RBFOX1: variants seen among roughly 807,000 people sequenced by gnomAD.
The protein encoded by RBFOX1 is RNA binding protein fox-1 homolog 1.
RBFOX1 carries 8 observed loss-of-function variants against 57.7 expected under a neutral mutation model. The ratio of observed to expected loss-of-function variants is 0.14; its 90% CI spans 0.08 to 0.25. RBFOX1 has a LOEUF of 0.25. Among genes scored for constraint, RBFOX1 ranks in the 10% least tolerant of loss-of-function variants. RBFOX1 has a pLI of 1.00. For missense variants in RBFOX1, 611 were observed against 548.5 expected (o/e 1.11, Z -1.14); for synonymous variants, 326 against 222.4 (o/e 1.47, Z -4.15).
At chr16:7,221,280 G>T (rs1341082864) in intron 4 of RBFOX1, among the ~76,000 whole-genome samples, 1 of 152,096 alleles carries the variant, frequency 6.6e-6, no homozygotes, top group Non-Finnish European at 1.5e-5. Flanking sequence ...CTCAGAAGGT[G>T]ATTTGGCTAG....
intron 2 of RBFOX1, among the ~76,000 whole-genome samples, chr16:6,504,989 C>T (rs113028088): frequency 0.055 from 8,438 of 152,136 alleles, 800 homozygotes; most frequent in African/African-American, 0.19. Flanking sequence ...AAGAGAATCG[C>T]TTGAACCCAG....
intron 3 of RBFOX1, among the ~76,000 whole-genome samples, chr16:5,770,781 G>A (rs1000476695): frequency 6.6e-6 from 1 of 152,180 alleles, no homozygotes; most frequent in African/African-American, 2.4e-5. Flanking sequence ...GCAGGATGTG[G>A]GTGGCCTAGA....
At chr16:7,210,427 T>C (rs548763375) in intron 4 of RBFOX1, among the ~76,000 whole-genome samples, 1 of 152,122 alleles carries the variant, frequency 6.6e-6, no homozygotes, top group African/African-American at 2.4e-5. Context: ...TTTTTCCAAT[T>C]GCACTACACT....
At chr16:6,211,881 G>T (rs544021410) in intron 1 of RBFOX1, among the ~76,000 whole-genome samples, 1 of 148,644 alleles carries the variant, frequency 6.7e-6, no homozygotes, top group Non-Finnish European at 1.5e-5. Context: ...ACAGAGTCTC[G>T]CTCTGTCACT....
intron 4 of RBFOX1, among the ~76,000 whole-genome samples, chr16:7,413,476 G>A (rs2098449453): frequency 6.6e-6 from 1 of 152,056 alleles, no homozygotes; most frequent in South Asian, 2.1e-4. Context: ...AAGATCCAAG[G>A]TGAGGTCAAC....
intron 11 of RBFOX1, among the ~76,000 whole-genome samples, chr16:7,650,518 G>T (rs1555716796): frequency 6.6e-6 from 1 of 152,136 alleles, no homozygotes; most frequent in Non-Finnish European, 1.5e-5. Flanking sequence ...GTAATGAAGA[G>T]GGTACAAAAT....
intron 3 of RBFOX1, among the ~76,000 whole-genome samples, chr16:6,773,309 T>C (rs1603619387): frequency 7.0e-6 from 1 of 142,516 alleles, no homozygotes; most frequent in Non-Finnish European, 1.5e-5. Context: ...TGCATTTGTG[T>C]GTTTGGGTAT....
chr16:5,643,699 A>C (rs980779619), intron 3 of RBFOX1, among the ~76,000 whole-genome samples: 4 of 152,178 alleles, frequency 2.6e-5, no homozygotes, highest in Non-Finnish European at 5.9e-5. Context: ...TTAGATGCAC[A>C]GGATCGTGCC....
chr16:7,189,413 G>A (rs1373363474), intron 4 of RBFOX1, among the ~76,000 whole-genome samples: 2 of 116,860 alleles, frequency 1.7e-5, no homozygotes, highest in African/African-American at 3.4e-5. Context: ...GCGACAGAGC[G>A]AGACTCCCTC....
intron 3 of RBFOX1, among the ~76,000 whole-genome samples, chr16:6,830,401 A>G (rs1323474693): frequency 6.6e-6 from 1 of 152,098 alleles, no homozygotes; most frequent in Non-Finnish European, 1.5e-5. Context: ...TACTAACGGG[A>G]AGTAATAATA....
rs141614606 is a variant in RBFOX1 at position 6,859,505 on chromosome 16, C to G, written c.-15-192552C>G. Among the ~76,000 whole-genome samples the G allele has an allele frequency of 1.5e-3, 221 of 151,876 alleles. 2 individuals are homozygous for G. The highest frequency in any genetic ancestry group is 6.8e-3 in the Middle Eastern group (2 of 294). On this transcript the variant is annotated intron_variant, in intron 3 of 15. Transcript: ENST00000550418. ...TTGTTCAAGTCTACTGCCCTAATGC[C>G]CATGGACCTGCAAATTTCCCAAATG...
At chr16:7,057,127 A>G (rs2052577401) in intron 4 of RBFOX1, among the ~76,000 whole-genome samples, 1 of 152,168 alleles carries the variant, frequency 6.6e-6, no homozygotes, top group African/African-American at 2.4e-5. Flanking sequence ...CCTCCTAGAA[A>G]TACCAGGCAT....
chr16:7,554,090 A>C (rs3785251), intron 5 of RBFOX1, among the ~76,000 whole-genome samples: 108,182 of 151,934 alleles, frequency 0.71, 40,684 homozygotes, highest in South Asian at 0.89. Flanking sequence ...GCCTGGGTGA[A>C]AGAGCAAGAT....
intron 1 of RBFOX1, among the ~76,000 whole-genome samples, chr16:6,261,346 G>A (rs1194381275): frequency 1.3e-5 from 2 of 152,206 alleles, no homozygotes. Flanking sequence ...TCTTGAGGAA[G>A]GTTGTTTTTT....
intron 3 of RBFOX1, among the ~76,000 whole-genome samples, chr16:6,830,448 GAA>G (rs759580123): frequency 7.2e-5 from 11 of 152,144 alleles, no homozygotes; most frequent in Non-Finnish European, 1.3e-4. Context: ...ACCGTAAGAG[GAA>G]GACCTTAGAA....
chr16:7,546,328 AAAAATAAAATAAAAT>A lies in RBFOX1; in HGVS notation c.270+27977_270+27991del, dbSNP rs59260994. On this transcript the variant is annotated intron_variant, in intron 5 of 15. Coordinates refer to ENST00000550418, the MANE Select transcript of RBFOX1 (RefSeq NM_018723.4). ...GGCAAAAGGGTAAAACTCCACCTCA[AAAAATAAAATAAAAT>A]AAAATAAAATAAAATAAAATAAAAT... is the stretch of plus-strand genomic sequence containing the variant. Among the ~76,000 whole-genome samples, 60 of 148,676 alleles carry A rather than the reference AAAAATAAAATAAAAT, an allele frequency of 4.0e-4. 1 individual carries two copies. The highest frequency in any genetic ancestry group is 1.3e-3 in the African/African-American group (54 of 40,018).
intron 1 of RBFOX1, among the ~76,000 whole-genome samples, chr16:6,222,282 C>A (rs1567711286): frequency 6.6e-6 from 1 of 152,094 alleles, no homozygotes. Flanking sequence ...TTATTTCTGA[C>A]CTTCTTCTAT....
At chr16:5,979,838 G>T (rs1356928985) in intron 4 of RBFOX1, among the ~76,000 whole-genome samples, 8 of 152,192 alleles carry the variant, frequency 5.3e-5, no homozygotes, top group Non-Finnish European at 5.9e-5. Flanking sequence ...CTCCAGCCTG[G>T]CAACAGAGTG....
chr16:6,138,078 T>C (rs2096681827), intron 1 of RBFOX1, among the ~76,000 whole-genome samples: 1 of 152,202 alleles, frequency 6.6e-6, no homozygotes, highest in South Asian at 2.1e-4. Flanking sequence ...TGTTTAACCC[T>C]AAGCTGTATT....
Sources: gnomAD v4.1 joint callset for allele counts (sites outside exome capture counted in the v4.1 genomes callset) on GRCh38, gnomAD v4.1.1 for gene constraint, MANE v1.5 for transcripts, NCBI Gene and HGNC (gene_info 2026-07-23, HGNC 2026-07-21) for gene names.